The following SNTG1 variants were observed in gnomAD, a reference collection of about 807,000 sequenced individuals.
SNTG1 encodes the protein syntrophin gamma 1, also known as gamma-1-syntrophin.
Under a neutral mutation model 74.7 loss-of-function variants are expected in SNTG1, and 39 were observed. The ratio of observed to expected loss-of-function variants is 0.52; its 90% confidence interval spans 0.40 to 0.68. The LOEUF (loss-of-function observed/expected upper bound fraction) is 0.68. Ranked by LOEUF, SNTG1 falls within the 30% of genes least tolerant of loss-of-function variation. The pLI is 0.00. For missense variants in SNTG1, 685 were observed against 609.5 expected (o/e 1.12, Z -1.30); for synonymous variants, 254 against 217.1 (o/e 1.17, Z -1.49).
rs184648399 is a variant in SNTG1 at position 50,781,080 on chromosome 8, C to A, written c.1396-11591C>A. On this transcript the variant is annotated intron_variant, in intron 18 of 18. Coordinates refer to ENST00000642720, the MANE Select transcript of SNTG1 (RefSeq NM_018967.5). ...TGTGGTCTGAGAGACAGTTTGTTAT[C>A]ATTTCTGATCTTTTACATTTGCTGA... 9.0e-4 allele frequency among the ~76,000 whole-genome samples: 137 copies of A among 152,058 alleles called. 2 individuals are homozygous for A. Among genetic ancestry groups the A allele is most frequent in the Middle Eastern group, 6.8e-3 (2 of 292 alleles).
intron 15 of SNTG1, among the ~76,000 whole-genome samples, chr8:50,667,781 G>A (rs1383268834): frequency 1.3e-5 from 2 of 151,854 alleles, no homozygotes; most frequent in East Asian, 3.9e-4. Context: ...TTCTTAAAAA[G>A]GTTGATTGCT....
chr8:50,633,865 A>G lies in SNTG1; in HGVS notation c.850-23044A>G, dbSNP rs146822991. On this transcript the variant is annotated intron_variant, in intron 13 of 18. Coordinates refer to ENST00000642720, the MANE Select transcript of SNTG1 (RefSeq NM_018967.5). ...TAATGGGACATTGCTGTTTAGGCCT[A>G]TTGGGATTCCATGGAAGGTTGTTTT... 8.9e-3 allele frequency among the ~76,000 whole-genome samples: 1,349 copies of G among 152,286 alleles called. 19 individuals are homozygous for G. The highest frequency in any genetic ancestry group is 0.027 in the African/African-American group (1,139 of 41,552).
chr8:50,523,983 A>C (rs1180576471), intron 9 of SNTG1, among the ~76,000 whole-genome samples: 1 of 152,156 alleles, frequency 6.6e-6, no homozygotes, highest in Non-Finnish European at 1.5e-5. Flanking sequence ...ATAATTGCTG[A>C]TAGGGAAACA....
chr8:50,264,586 G>T (rs1365947151), intron 2 of SNTG1, among the ~76,000 whole-genome samples: 2 of 148,934 alleles, frequency 1.3e-5, no homozygotes, highest in African/African-American at 4.9e-5. Flanking sequence ...AAAAAAAAAA[G>T]AAGAAAGAAA....
intron 17 of SNTG1, among the ~76,000 whole-genome samples, chr8:50,721,369 T>C (rs146758856): frequency 1.1e-3 from 160 of 152,300 alleles, no homozygotes; most frequent in African/African-American, 3.6e-3. Flanking sequence ...TTTCAAGCTT[T>C]GAGCCAATTT....
At chr8:50,086,087 C>T (rs1222204004) in intron 1 of SNTG1, among the ~76,000 whole-genome samples, 2 of 152,050 alleles carry the variant, frequency 1.3e-5, no homozygotes, top group Non-Finnish European at 2.9e-5. Context: ...TCCATACAAG[C>T]TTTCATGATT....
At chr8:50,022,754 T>C (rs1221237549) in intron 1 of SNTG1, among the ~76,000 whole-genome samples, 2 of 152,152 alleles carry the variant, frequency 1.3e-5, no homozygotes, top group Admixed American at 6.5e-5. Context: ...AGTGTCCATG[T>C]TGCCTCTGTT....
At chr8:50,525,159 T>C (rs1260497477) in intron 9 of SNTG1, among the ~76,000 whole-genome samples, 1 of 152,118 alleles carries the variant, frequency 6.6e-6, no homozygotes, top group Non-Finnish European at 1.5e-5. Context: ...TATTCTAGAT[T>C]GGCTGATTTT....
intron 2 of SNTG1, among the ~76,000 whole-genome samples, chr8:50,196,789 T>G (rs1430293451): frequency 6.7e-6 from 1 of 149,520 alleles, no homozygotes; most frequent in African/African-American, 2.5e-5. Context: ...AAACTCCATC[T>G]CTACTAAAAA....
chr8:50,655,696 G>A (rs2095175771), intron 13 of SNTG1, among the ~76,000 whole-genome samples: 1 of 152,190 alleles, frequency 6.6e-6, no homozygotes, highest in African/African-American at 2.4e-5. Flanking sequence ...ATGGAAAGAA[G>A]ATGAGATCTA....
intron 8 of SNTG1, among the ~76,000 whole-genome samples, chr8:50,470,013 C>T (rs1182873914): frequency 1.3e-5 from 2 of 152,148 alleles, no homozygotes; most frequent in African/African-American, 4.8e-5. Context: ...ATCACAGAAA[C>T]CTTCTCTGGT....
At chr8:50,316,322 T>A (rs575147250) in intron 2 of SNTG1, among the ~76,000 whole-genome samples, 2 of 152,304 alleles carry the variant, frequency 1.3e-5, no homozygotes, top group South Asian at 4.1e-4. Flanking sequence ...TCCTATGATG[T>A]CATACCGTGT....
At chr8:50,411,316 C>T (rs922349690) in intron 4 of SNTG1, among the ~76,000 whole-genome samples, 4 of 151,642 alleles carry the variant, frequency 2.6e-5, no homozygotes, top group Admixed American at 6.6e-5. Context: ...GGCATGGTGG[C>T]GGGCGCCTGT....
chr8:50,665,195 T>C (rs2095244743), intron 15 of SNTG1, among the ~76,000 whole-genome samples: 1 of 151,994 alleles, frequency 6.6e-6, no homozygotes, highest in Non-Finnish European at 1.5e-5. Flanking sequence ...ATGAGGAGGG[T>C]ATTCAGAGTG....
intron 2 of SNTG1, among the ~76,000 whole-genome samples, chr8:50,238,930 A>C (rs914244984): frequency 2.0e-5 from 3 of 152,326 alleles, no homozygotes; most frequent in African/African-American, 7.2e-5. Flanking sequence ...TGCAAATCAA[A>C]ACCACAATGA....
chr8:50,267,287 T>C (rs961955460), intron 2 of SNTG1, among the ~76,000 whole-genome samples: 1 of 152,170 alleles, frequency 6.6e-6, no homozygotes, highest in African/African-American at 2.4e-5. Flanking sequence ...GTAGCCAGAA[T>C]ATATAAAAAC....
chr8:50,549,055 C>T (rs562441874), intron 11 of SNTG1, among the ~76,000 whole-genome samples: 4 of 152,150 alleles, frequency 2.6e-5, no homozygotes, highest in South Asian at 2.1e-4. Flanking sequence ...GGGAGAAAGA[C>T]GCTGTTGCAA....
At chr8:50,537,041 A>G (rs529048693) in intron 11 of SNTG1, among the ~76,000 whole-genome samples, 1 of 152,344 alleles carries the variant, frequency 6.6e-6, no homozygotes, top group Non-Finnish European at 1.5e-5. Context: ...CAATAGACTC[A>G]ATAGATAGTT....
At chr8:50,339,567 TA>T (rs764472576) in intron 2 of SNTG1, among the ~76,000 whole-genome samples, 6 of 151,968 alleles carry the variant, frequency 3.9e-5, no homozygotes, top group Non-Finnish European at 7.4e-5. Flanking sequence ...AGTGTTTTAG[TA>T]TAGTAGTCTT....
Sources: gnomAD v4.1 joint callset for allele counts (sites outside exome capture counted in the v4.1 genomes callset) on GRCh38, gnomAD v4.1.1 for gene constraint, MANE v1.5 for transcripts, NCBI Gene and HGNC (gene_info 2026-07-23, HGNC 2026-07-21) for gene names.